The following RGS7 variants were observed in gnomAD, a reference collection of about 807,000 sequenced individuals.
RGS7 encodes regulator of G-protein signaling 7.
RGS7 carries 27 observed loss-of-function variants against 81.1 expected under a neutral mutation model. The observed-to-expected ratio is 0.33, with a 90% CI of 0.25 to 0.46. The LOEUF (loss-of-function observed/expected upper bound fraction) is 0.46, where lower values mean the gene tolerates loss of function less well. Ranked by LOEUF, RGS7 falls within the 20% of genes least tolerant of loss-of-function variation. The pLI, the probability that RGS7 is intolerant of heterozygous loss-of-function variation, is 1.00. For synonymous variants in RGS7, 208 were observed against 207.7 expected (o/e 1.00, Z -0.01); for missense variants, 396 against 607.4 (o/e 0.65, Z 3.66).
chr1:241,156,870 T>TTGTA (rs1182919502), intron 2 of RGS7, among the ~76,000 whole-genome samples: 3 of 152,172 alleles, frequency 2.0e-5, no homozygotes, highest in African/African-American at 4.8e-5. Flanking sequence ...TGGGCCTGCA[T>TTGTA]TGTAGCTCAA....
intron 2 of RGS7, among the ~76,000 whole-genome samples, chr1:241,337,813 C>G (rs934524165): frequency 6.6e-6 from 1 of 152,180 alleles, no homozygotes; most frequent in Non-Finnish European, 1.5e-5. Context: ...TTCCACCAAC[C>G]TACCTTCCCC....
chr1:241,237,162 A>C (rs1273251501), intron 2 of RGS7, among the ~76,000 whole-genome samples: 3 of 152,220 alleles, frequency 2.0e-5, no homozygotes, highest in Non-Finnish European at 4.4e-5. Context: ...TAGAAGCTTA[A>C]TGACTTTTTG....
chr1:240,791,645 A>G (rs940684829), intron 18 of RGS7, among the ~76,000 whole-genome samples: 1 of 152,218 alleles, frequency 6.6e-6, no homozygotes, highest in Non-Finnish European at 1.5e-5. Context: ...ATGTGTCTTT[A>G]GACTAAGCAA....
chr1:240,850,308 G>T (rs1050928598), intron 9 of RGS7, among the ~76,000 whole-genome samples: 6 of 152,062 alleles, frequency 3.9e-5, no homozygotes, highest in African/African-American at 1.5e-4. Context: ...TCAGATTTTG[G>T]CAATTCTAGT....
chr1:241,098,819 A>G (rs2064495977), intron 2 of RGS7, 57 bp from the exon 3 acceptor site: 1 of 1,241,196 alleles, frequency 8.1e-7, no homozygotes. Flanking sequence ...TTGAAAAAAA[A>G]TCAGCTCTCA....
chr1:241,014,574 G>C (rs2059128645), intron 3 of RGS7, among the ~76,000 whole-genome samples: 1 of 152,108 alleles, frequency 6.6e-6, no homozygotes, highest in Non-Finnish European at 1.5e-5. Context: ...TGATGTCACA[G>C]GACTGTTGAG....
At chr1:240,998,022 G>A (rs1277199001) in intron 3 of RGS7, among the ~76,000 whole-genome samples, 1 of 152,096 alleles carries the variant, frequency 6.6e-6, no homozygotes, top group Admixed American at 6.5e-5. Context: ...TCCTTCATCT[G>A]AGAATGTTTT....
At chr1:241,154,290 G>A (rs936977322) in intron 2 of RGS7, among the ~76,000 whole-genome samples, 1 of 152,158 alleles carries the variant, frequency 6.6e-6, no homozygotes, top group African/African-American at 2.4e-5. Flanking sequence ...ACTGCAAGGA[G>A]ACAAAGAGCC....
At chr1:241,113,140 T>C (rs2065649648) in intron 2 of RGS7, among the ~76,000 whole-genome samples, 1 of 152,208 alleles carries the variant, frequency 6.6e-6, no homozygotes, top group Admixed American at 6.5e-5. Context: ...CTGGCTCTTT[T>C]ATATCCACCA....
At chr1:241,084,289 T>G (rs2063310879) in intron 3 of RGS7, among the ~76,000 whole-genome samples, 1 of 152,224 alleles carries the variant, frequency 6.6e-6, no homozygotes, top group Non-Finnish European at 1.5e-5. Context: ...TCAACTTGAC[T>G]TTAAAACTCA....
intron 3 of RGS7, among the ~76,000 whole-genome samples, chr1:241,038,456 G>T (rs1046321394): frequency 6.6e-6 from 1 of 152,198 alleles, no homozygotes; most frequent in Non-Finnish European, 1.5e-5. Context: ...TGTTGAGAAA[G>T]AAGCACTGGG....
chr1:241,129,284 C>T (rs1204291996), intron 2 of RGS7, among the ~76,000 whole-genome samples: 1 of 150,412 alleles, frequency 6.6e-6, no homozygotes. Flanking sequence ...AAAAACGGAA[C>T]TCAAAACACT....
intron 2 of RGS7, among the ~76,000 whole-genome samples, chr1:241,136,058 CA>C (rs1454558621): frequency 4.6e-5 from 7 of 150,752 alleles, no homozygotes; most frequent in African/African-American, 1.5e-4. Context: ...GTGTTACAAA[CA>C]ATATATGAGT....
At chr1:241,243,749 C>T (rs886348980) in intron 2 of RGS7, among the ~76,000 whole-genome samples, 2 of 152,070 alleles carry the variant, frequency 1.3e-5, no homozygotes, top group African/African-American at 2.4e-5. Flanking sequence ...CAAATAGAAA[C>T]GAAGGAAAGT....
rs1345271013 is a variant in RGS7 at position 241,127,683 on chromosome 1, AAAGTAT to A, written c.79-28927_79-28922del. The stretch of plus-strand genomic sequence containing the variant: ...GTTGTGCACATGTACCCTAAAACTT[AAAGTAT>A]AATAATAATAAAATTTAAAAAAAGA... On this transcript the variant is annotated intron_variant, in intron 2 of 18. Coordinates refer to ENST00000440928, the MANE Select transcript of RGS7 (RefSeq NM_001364886.1). 2.0e-4 allele frequency among the ~76,000 whole-genome samples: 30 copies of A among 152,232 alleles called. 1 individual carries two copies.
chr1:241,253,107 A>G (rs1479230638), intron 2 of RGS7, among the ~76,000 whole-genome samples: 1 of 152,250 alleles, frequency 6.6e-6, no homozygotes, highest in African/African-American at 2.4e-5. Flanking sequence ...TTTCTACCCT[A>G]TTCTTGATGC....
intron 2 of RGS7, among the ~76,000 whole-genome samples, chr1:241,261,700 T>C (rs140123425): frequency 1.3e-5 from 2 of 150,956 alleles, no homozygotes; most frequent in East Asian, 2.0e-4. Flanking sequence ...CCTACTATCA[T>C]ATTCTACCCC....
At chr1:241,237,670 C>T (rs10926435) in intron 2 of RGS7, among the ~76,000 whole-genome samples, 19,806 of 152,086 alleles carry the variant, frequency 0.13, 1,446 homozygotes, top group East Asian at 0.23. Flanking sequence ...GAAACACACC[C>T]TTCACCAGAA....
At chr1:241,182,875 T>C (rs1369533655) in intron 2 of RGS7, among the ~76,000 whole-genome samples, 1 of 151,942 alleles carries the variant, frequency 6.6e-6, no homozygotes, top group Non-Finnish European at 1.5e-5. Flanking sequence ...GGTTTCACCA[T>C]GTTGGCCAGG....
Sources: allele counts gnomAD v4.1 joint callset (sites outside exome capture counted in the v4.1 genomes callset), GRCh38; gene constraint gnomAD v4.1.1; transcripts MANE v1.5; gene names NCBI Gene and HGNC (gene_info 2026-07-23, HGNC 2026-07-21).